The following STK31 variants were observed in gnomAD, a reference collection of about 807,000 sequenced individuals.
STK31 encodes the protein serine/threonine kinase 31.
STK31 carries 89 observed loss-of-function variants against 129.7 expected under a neutral mutation model. The observed-to-expected ratio is 0.69, with a 90% CI of 0.58 to 0.82. The LOEUF (loss-of-function observed/expected upper bound fraction) is 0.82. Among genes scored for constraint, STK31 ranks in the 40% least tolerant of loss-of-function variants. The pLI, the probability that STK31 is intolerant of heterozygous loss-of-function variation, is 0.00. For synonymous variants in STK31, 448 were observed against 395.3 expected, an observed-to-expected ratio of 1.13 and a Z score of -1.58; for missense variants, 1,187 against 1,176.4, an observed-to-expected ratio of 1.01 and a Z score of -0.13.
chr7:23,788,710 G>A (rs1584450275), intron 21 of STK31, among the ~76,000 whole-genome samples: 2 of 152,112 alleles, frequency 1.3e-5, no homozygotes, highest in South Asian at 4.2e-4. Flanking sequence ...TTTTAATTGA[G>A]AAATAAAAAT....
chr7:23,738,608 C>T (rs759443900), intron 8 of STK31, among the ~76,000 whole-genome samples: 2 of 151,834 alleles, frequency 1.3e-5, no homozygotes. Flanking sequence ...TTATTTATAT[C>T]CCCAATGGCA....
At chr7:23,797,676 A>T (rs1052527519) in intron 22 of STK31, among the ~76,000 whole-genome samples, 4 of 152,212 alleles carry the variant, frequency 2.6e-5, no homozygotes, top group Admixed American at 6.5e-5. Context: ...TCTAAAATCG[A>T]CACCCTAACA....
chr7:23,714,277 C>T (rs1562541180), intron 3 of STK31, among the ~76,000 whole-genome samples: 2 of 152,300 alleles, frequency 1.3e-5, no homozygotes, highest in South Asian at 2.1e-4. Flanking sequence ...GTTGCTCACA[C>T]GTTCTGGTTC....
chr7:23,774,287 G>T (rs112793542), intron 15 of STK31, among the ~76,000 whole-genome samples: 70,292 of 151,882 alleles, frequency 0.46, 16,686 homozygotes, highest in Admixed American at 0.55. Context: ...AATCCTTTGG[G>T]TATATACCCA....
chr7:23,794,936 T>C (rs764934597), intron 22 of STK31, among the ~76,000 whole-genome samples: 3 of 152,268 alleles, frequency 2.0e-5, no homozygotes, highest in African/African-American at 4.8e-5. Context: ...TTGGAACTTA[T>C]GTTTAAAAGG....
chr7:23,830,361 CT>C (rs1294910211), intron 23 of STK31, among the ~76,000 whole-genome samples: 1 of 151,834 alleles, frequency 6.6e-6, no homozygotes, highest in African/African-American at 2.4e-5. Context: ...AATCTTACTC[CT>C]TTTTTGATAG....
intron 10 of STK31, among the ~76,000 whole-genome samples, chr7:23,760,149 T>G (rs1789372544): frequency 6.6e-6 from 1 of 152,232 alleles, no homozygotes; most frequent in Non-Finnish European, 1.5e-5. Flanking sequence ...TGTATTGGGC[T>G]GAACAGAACT....
intron 10 of STK31, among the ~76,000 whole-genome samples, chr7:23,756,935 A>G (rs1789123207): frequency 6.6e-6 from 1 of 152,102 alleles, no homozygotes; most frequent in Non-Finnish European, 1.5e-5. Context: ...CATCAGGGAT[A>G]TTGGCCTGAA....
chr7:23,817,137 G>A (rs1793514760), intron 23 of STK31, among the ~76,000 whole-genome samples: 1 of 152,024 alleles, frequency 6.6e-6, no homozygotes, highest in Non-Finnish European at 1.5e-5. Flanking sequence ...GCAGTGAGCC[G>A]AGATTGTGCC....
intron 22 of STK31, among the ~76,000 whole-genome samples, chr7:23,803,107 A>G (rs1380685934): frequency 1.3e-5 from 2 of 152,124 alleles, no homozygotes; most frequent in Non-Finnish European, 2.9e-5. Flanking sequence ...TAGTTGGTCA[A>G]GTTCTTTTTT....
intron 22 of STK31, among the ~76,000 whole-genome samples, chr7:23,802,045 T>G (rs1269350408): frequency 6.6e-6 from 1 of 152,190 alleles, no homozygotes; most frequent in African/African-American, 2.4e-5. Flanking sequence ...ACATCTTACC[T>G]TATTTTATTT....
intron 22 of STK31, among the ~76,000 whole-genome samples, chr7:23,806,901 G>GAAAAAA (rs34751124): frequency 4.5e-4 from 34 of 75,980 alleles, no homozygotes; most frequent in Middle Eastern, 8.1e-3. Flanking sequence ...CTCCGTCTCA[G>GAAAAAA]AAAAAAAAAA....
At chr7:23,825,871 A>C (rs1395092922) in intron 23 of STK31, among the ~76,000 whole-genome samples, 1 of 152,226 alleles carries the variant, frequency 6.6e-6, no homozygotes, top group East Asian at 1.9e-4. Context: ...GTAGTCATTC[A>C]GGAGCAGGTT....
At position 23,744,723 on chromosome 7, in the gene STK31, G is replaced by A. The variant is rs1384514763; in HGVS notation, c.1017+7645G>A. 2.0e-5 allele frequency among the ~76,000 whole-genome samples: 3 copies of A among 152,270 alleles called. No homozygotes were observed. The South Asian group carries it at 6.2e-4, about 32-fold the overall frequency. ...CCTTTGGATGTGAATAGTCAGTGGC[G>A]TTTGTGATTTCCTCAATGGCTTAGG... On this transcript the variant is annotated intron_variant, in intron 8 of 23. Transcript: ENST00000355870.
intron 6 of STK31, among the ~76,000 whole-genome samples, chr7:23,731,743 A>G (rs1006117101): frequency 2.0e-5 from 3 of 152,192 alleles, no homozygotes; most frequent in African/African-American, 7.2e-5. Context: ...CTAGTCCTAC[A>G]TGCCTGACTT....
chr7:23,807,706 C>T (rs1006973131), intron 22 of STK31, among the ~76,000 whole-genome samples: 2 of 151,830 alleles, frequency 1.3e-5, no homozygotes, highest in Non-Finnish European at 2.9e-5. Flanking sequence ...CTCACAGGTT[C>T]TTGGGGCTCT....
At chr7:23,715,293 G>A (rs1786235621) in intron 3 of STK31, among the ~76,000 whole-genome samples, 2 of 152,122 alleles carry the variant, frequency 1.3e-5, no homozygotes, top group South Asian at 4.2e-4. Flanking sequence ...GAAGGAATCT[G>A]ACGTATTTGA....
intron 6 of STK31, among the ~76,000 whole-genome samples, chr7:23,733,238 C>T (rs952255312): frequency 2.0e-5 from 3 of 151,834 alleles, no homozygotes; most frequent in Non-Finnish European, 4.4e-5. Context: ...AAAGTATTTT[C>T]GTGTTTTGTG....
chr7:23,714,195 G>A (rs1229865017), intron 3 of STK31, among the ~76,000 whole-genome samples: 1 of 152,114 alleles, frequency 6.6e-6, no homozygotes, highest in African/African-American at 2.4e-5. Context: ...AGAAAACTTG[G>A]GGCAAATTCG....
Sources: allele counts gnomAD v4.1 joint callset (sites outside exome capture counted in the v4.1 genomes callset), GRCh38; gene constraint gnomAD v4.1.1; transcripts MANE v1.5; gene names NCBI Gene and HGNC (gene_info 2026-07-23, HGNC 2026-07-21).